FGF14: variants seen among roughly 807,000 people sequenced by gnomAD.
FGF14 encodes fibroblast growth factor 14, also known as fibroblast growth factor homologous factor 4.
A neutral mutation model predicts 25.5 loss-of-function variants in FGF14; 5 were observed. The ratio of observed to expected loss-of-function variants is 0.20; its 90% CI spans 0.10 to 0.41. The LOEUF is 0.41. Ranked by LOEUF, FGF14 falls within the 10% of genes least tolerant of loss-of-function variation. FGF14 has a pLI of 1.00. For synonymous variants in FGF14, 138 were observed against 118.3 expected (o/e 1.17, Z -1.08); for missense variants, 222 against 320.1 (o/e 0.69, Z 2.34).
chr13:101,918,542 C>G (rs2033750170), upstream of FGF14, among the ~76,000 whole-genome samples: 1 of 152,214 alleles, frequency 6.6e-6, no homozygotes, highest in South Asian at 2.1e-4. Flanking sequence ...GAGCAGTTCT[C>G]AACCAAAACA....
At chr13:101,849,143 C>G (rs2043615244) in intron 3 of FGF14, among the ~76,000 whole-genome samples, 3 of 151,976 alleles carry the variant, frequency 2.0e-5, no homozygotes, top group South Asian at 2.1e-4. Context: ...TTTTCTGTCT[C>G]TGTGTGTGGA....
At chr13:102,239,358 A>G (rs2051479235) in intron 1 of FGF14, among the ~76,000 whole-genome samples, 1 of 152,244 alleles carries the variant, frequency 6.6e-6, no homozygotes, top group South Asian at 2.1e-4. Flanking sequence ...TTGTTCCATT[A>G]GTGCTACAGA....
intron 1 of FGF14, among the ~76,000 whole-genome samples, chr13:102,168,711 C>T (rs571717238): frequency 4.7e-4 from 72 of 152,184 alleles, no homozygotes; most frequent in Non-Finnish European, 1.0e-3. Flanking sequence ...CTTGAAAATA[C>T]GCTAATATTT....
chr13:102,046,571 C>T (rs1339220705), intron 1 of FGF14, among the ~76,000 whole-genome samples: 1 of 152,054 alleles, frequency 6.6e-6, no homozygotes, highest in African/African-American at 2.4e-5. Context: ...TTTAATGCAC[C>T]GTTCTGTTAA....
intron 3 of FGF14, among the ~76,000 whole-genome samples, chr13:101,867,876 T>C (rs2044797902): frequency 6.8e-6 from 1 of 146,528 alleles, no homozygotes. Context: ...CCCTGGAGAA[T>C]GTTTCTGTTT....
At chr13:101,761,734 T>A (rs9585775) in intron 3 of FGF14, among the ~76,000 whole-genome samples, 1 of 152,190 alleles carries the variant, frequency 6.6e-6, no homozygotes, top group Non-Finnish European at 1.5e-5. Flanking sequence ...ATGTACTCCA[T>A]GAATATATAC....
intron 1 of FGF14, among the ~76,000 whole-genome samples, chr13:101,886,876 G>T (rs2046014807): frequency 6.6e-6 from 1 of 151,978 alleles, no homozygotes; most frequent in African/African-American, 2.4e-5. Flanking sequence ...ATTTAAAAAT[G>T]GACAAAGATC....
chr13:102,228,624 T>C (rs1170229168), intron 1 of FGF14, among the ~76,000 whole-genome samples: 1 of 152,200 alleles, frequency 6.6e-6, no homozygotes, highest in African/African-American at 2.4e-5. Context: ...TTGTTAACAT[T>C]ATCTAGTTTC....
At chr13:102,064,990 CATAA>C (rs1415064050) in intron 1 of FGF14, among the ~76,000 whole-genome samples, 3 of 151,928 alleles carry the variant, frequency 2.0e-5, no homozygotes, top group Non-Finnish European at 4.4e-5. Context: ...TAATCATTAT[CATAA>C]ATATCAGATA....
At chr13:102,229,923 T>C (rs2051000980) in intron 1 of FGF14, among the ~76,000 whole-genome samples, 1 of 152,198 alleles carries the variant, frequency 6.6e-6, no homozygotes. Context: ...CCTTCTGTTA[T>C]TCAATTCATT....
intron 1 of FGF14, among the ~76,000 whole-genome samples, chr13:102,214,109 T>C (rs1442561906): frequency 6.6e-6 from 1 of 152,210 alleles, no homozygotes; most frequent in African/African-American, 2.4e-5. Context: ...AGCCTAACCT[T>C]TTCCTTTACT....
chr13:102,114,427 GT>G (rs544569632), intron 1 of FGF14, among the ~76,000 whole-genome samples: 4 of 152,100 alleles, frequency 2.6e-5, no homozygotes, highest in Non-Finnish European at 5.9e-5. Context: ...TAGTCCCACG[GT>G]TTATTTTTGT....
chr13:101,996,823 A>G (rs1412462677), intron 1 of FGF14, among the ~76,000 whole-genome samples: 3 of 152,222 alleles, frequency 2.0e-5, no homozygotes, highest in Admixed American at 6.5e-5. Flanking sequence ...TTACTGCTGC[A>G]TGGAACAATT....
chr13:102,316,311 C>T (rs931195778), intron 1 of FGF14, among the ~76,000 whole-genome samples: 6 of 152,200 alleles, frequency 3.9e-5, no homozygotes, highest in African/African-American at 1.4e-4. Context: ...CAACAATAGT[C>T]TCTCAACATG....
At chr13:101,835,513 T>G (rs570824713) in intron 3 of FGF14, among the ~76,000 whole-genome samples, 70 of 152,176 alleles carry the variant, frequency 4.6e-4, no homozygotes, top group Middle Eastern at 3.4e-3. Flanking sequence ...ATTGCCAATA[T>G]AGCAGGGTAA....
chr13:102,154,361 T>G (rs900195443), intron 1 of FGF14, among the ~76,000 whole-genome samples: 2 of 151,486 alleles, frequency 1.3e-5, no homozygotes, highest in African/African-American at 4.9e-5. Context: ...GGGCCAATAT[T>G]CAACATTCTT....
At chr13:102,264,223 T>C (rs1244022005) in intron 1 of FGF14, among the ~76,000 whole-genome samples, 1 of 152,106 alleles carries the variant, frequency 6.6e-6, no homozygotes, top group Admixed American at 6.6e-5. Context: ...TGAAGCAAAA[T>C]AGACCTTTCT....
chr13:102,350,163 T>C (rs2057233698), intron 1 of FGF14, among the ~76,000 whole-genome samples: 1 of 151,778 alleles, frequency 6.6e-6, no homozygotes, highest in Admixed American at 6.6e-5. Context: ...CAGCCAGGAG[T>C]TTGACATCAA....
chr13:102,310,683 C>G (rs1182014891), intron 1 of FGF14, among the ~76,000 whole-genome samples: 26 of 24,508 alleles, frequency 1.1e-3, no homozygotes, highest in East Asian at 3.6e-3. Flanking sequence ...CTCTCTCTCT[C>G]TCTGTGTGTG....
Sources: gnomAD v4.1 joint callset for allele counts (sites outside exome capture counted in the v4.1 genomes callset) on GRCh38, gnomAD v4.1.1 for gene constraint, MANE v1.5 for transcripts, NCBI Gene and HGNC (gene_info 2026-07-23, HGNC 2026-07-21) for gene names.